Variants in EXOC6B observed in about 807,000 individuals in gnomAD.
EXOC6B encodes exocyst complex component 6B.
A neutral mutation model predicts 113.5 loss-of-function variants in EXOC6B; 54 were observed. That is an observed-to-expected ratio of 0.48 (90% confidence interval 0.38 to 0.60). EXOC6B has a LOEUF of 0.60. Among genes scored for constraint, EXOC6B ranks in the 20% least tolerant of loss-of-function variants. EXOC6B has a pLI of 0.00. For synonymous variants in EXOC6B, 357 were observed against 339.0 expected, an observed-to-expected ratio of 1.05 and a Z score of -0.58; for missense variants, 797 against 977.5, an observed-to-expected ratio of 0.82 and a Z score of 2.46.
chr2:72,672,514 T>C (rs372053155), intron 6 of EXOC6B, among the ~76,000 whole-genome samples: 3 of 128,596 alleles, frequency 2.3e-5, no homozygotes, highest in African/African-American at 6.1e-5. Context: ...GCCACTGCAC[T>C]CCAGCCTGGG....
At chr2:72,725,002 G>A (rs537506438) in intron 5 of EXOC6B, among the ~76,000 whole-genome samples, 17 of 152,216 alleles carry the variant, frequency 1.1e-4, no homozygotes, top group Non-Finnish European at 1.6e-4. Flanking sequence ...GACAAAAAAA[G>A]AGTTTGTAGA....
chr2:72,675,093 C>T (rs1382416810), intron 6 of EXOC6B, among the ~76,000 whole-genome samples: 1 of 152,216 alleles, frequency 6.6e-6, no homozygotes, highest in Non-Finnish European at 1.5e-5. Context: ...ACTAAAATAT[C>T]TTGCTCTACT....
chr2:72,321,972 C>G (rs1687868632), intron 20 of EXOC6B, among the ~76,000 whole-genome samples: 1 of 152,064 alleles, frequency 6.6e-6, no homozygotes, highest in African/African-American at 2.4e-5. Flanking sequence ...TCATCTACTG[C>G]TGGCAGGAAT....
At chr2:72,668,239 G>T (rs1396677515) in intron 6 of EXOC6B, among the ~76,000 whole-genome samples, 1 of 152,134 alleles carries the variant, frequency 6.6e-6, no homozygotes, top group African/African-American at 2.4e-5. Flanking sequence ...AGTCAGAATG[G>T]CTCTTGTTAA....
At chr2:72,204,209 T>C (rs1679682577) in intron 20 of EXOC6B, among the ~76,000 whole-genome samples, 1 of 152,170 alleles carries the variant, frequency 6.6e-6, no homozygotes, top group Non-Finnish European at 1.5e-5. Context: ...CAAAAAAATG[T>C]GTTCTGCCTG....
intron 16 of EXOC6B, among the ~76,000 whole-genome samples, chr2:72,491,519 T>C (rs1280155358): frequency 6.6e-6 from 1 of 152,074 alleles, no homozygotes. Flanking sequence ...GCCTTTCCCT[T>C]TCCTTGTGAA....
At chr2:72,300,397 C>G (rs549174538) in intron 20 of EXOC6B, among the ~76,000 whole-genome samples, 28 of 152,190 alleles carry the variant, frequency 1.8e-4, no homozygotes, top group African/African-American at 6.5e-4. Flanking sequence ...CATCCCAGGT[C>G]GACCTCAGAC....
chr2:72,640,121 G>GA (rs2104334876), intron 6 of EXOC6B, among the ~76,000 whole-genome samples: 1 of 152,168 alleles, frequency 6.6e-6, no homozygotes, highest in South Asian at 2.1e-4. Context: ...AAAAATCATG[G>GA]AAAAAAGAAT....
At chr2:72,751,821 A>G (rs1558973209) in intron 1 of EXOC6B, among the ~76,000 whole-genome samples, 1 of 152,088 alleles carries the variant, frequency 6.6e-6, no homozygotes, top group Non-Finnish European at 1.5e-5. Context: ...TTTTTAAAAT[A>G]GTTGTGAAGT....
intron 16 of EXOC6B, among the ~76,000 whole-genome samples, chr2:72,486,608 C>T (rs1699433961): frequency 6.6e-6 from 1 of 152,072 alleles, no homozygotes; most frequent in South Asian, 2.1e-4. Context: ...GAAAACTGAG[C>T]ATTTGGGAGC....
chr2:72,548,252 AC>A (rs1703014197), intron 8 of EXOC6B, among the ~76,000 whole-genome samples: 1 of 152,086 alleles, frequency 6.6e-6, no homozygotes, highest in African/African-American at 2.4e-5. Flanking sequence ...CATCTATAAG[AC>A]CATGACCGAA....
intron 18 of EXOC6B, among the ~76,000 whole-genome samples, chr2:72,457,993 C>T (rs114635375): frequency 6.6e-6 from 1 of 152,230 alleles, no homozygotes; most frequent in African/African-American, 2.4e-5. Flanking sequence ...TGGACACTGA[C>T]GTATTCCGTT....
intron 5 of EXOC6B, among the ~76,000 whole-genome samples, chr2:72,724,240 G>C (rs113476969): frequency 0.037 from 5,573 of 152,222 alleles, 320 homozygotes; most frequent in African/African-American, 0.12. Context: ...GGGAAGGTAA[G>C]ATGAACACTT....
intron 6 of EXOC6B, among the ~76,000 whole-genome samples, chr2:72,610,286 C>T (rs1026094499): frequency 6.6e-6 from 1 of 152,126 alleles, no homozygotes; most frequent in African/African-American, 2.4e-5. Context: ...TTACTTTGCG[C>T]TATCCATTGA....
chr2:72,802,692 TCTAAGA>T lies in EXOC6B; in HGVS notation c.113+23100_113+23105del, dbSNP rs1256340302. 2.0e-5 allele frequency among the ~76,000 whole-genome samples: 3 copies of T among 152,168 alleles called. No homozygotes were observed. The East Asian group carries it at 5.8e-4, about 29-fold the overall frequency. On this transcript the variant is annotated intron_variant, in intron 1 of 21. Transcript: ENST00000272427. Reference sequence around the variant, plus strand: ...GCCCTTTTCATCTTGGGAAAAAAATTCTAAGATTCCAATAGTTTTCTCAAAGACCTA... The same window carrying T: ...GCCCTTTTCATCTTGGGAAAAAAATTTTCCAATAGTTTTCTCAAAGACCTA...
chr2:72,809,781 C>T (rs189603396), intron 1 of EXOC6B, among the ~76,000 whole-genome samples: 3 of 152,074 alleles, frequency 2.0e-5, no homozygotes, highest in Admixed American at 2.0e-4. Flanking sequence ...CAGATAATTC[C>T]ACAATTATAC....
rs11288459 is a variant in EXOC6B, at chr2:72,312,800, CAAAAAAA to C, written c.2196+22140_2196+22146del. On this transcript the variant is annotated intron_variant, in intron 20 of 21. Coordinates refer to ENST00000272427, the MANE Select transcript of EXOC6B (RefSeq NM_015189.3). ...AACAACAACAAACAAAAACGACAAC[CAAAAAAA>C]AAAAAAACAAAAAACAAAGTGAAAA... 4.4e-5 allele frequency among the ~76,000 whole-genome samples: 5 copies of C among 113,442 alleles called. No homozygotes were observed. In the South Asian group the frequency reaches 9.6e-4, roughly 22 times the overall value. The allele number at this position is 113,442 out of a possible 152,430, so 74.4% of individuals were successfully genotyped here.
chr2:72,369,642 T>C lies in EXOC6B; in HGVS notation c.2122+10087A>G, dbSNP rs941491357. Among the ~76,000 whole-genome samples the C allele has an allele frequency of 7.2e-5, 11 of 152,290 alleles. No individual in the cohort carries two copies. In the East Asian group the frequency reaches 1.2e-3, roughly 16 times the overall value. On this transcript the variant is annotated intron_variant, in intron 19 of 21. Transcript: ENST00000272427. ...CAAGGCTATAGTAACCAAAACAGCA[T>C]GGTACTGGTACCAAAACAGAGATAT... is the stretch of plus-strand genomic sequence containing the variant.
intron 20 of EXOC6B, among the ~76,000 whole-genome samples, chr2:72,287,070 G>A (rs1340757623): frequency 6.6e-6 from 1 of 151,982 alleles, no homozygotes; most frequent in African/African-American, 2.4e-5. Context: ...ATCTCAAGAA[G>A]TTAAAGGATA....
Sources: gnomAD v4.1 joint callset for allele counts (sites outside exome capture counted in the v4.1 genomes callset) on GRCh38, gnomAD v4.1.1 for gene constraint, MANE v1.5 for transcripts, NCBI Gene and HGNC (gene_info 2026-07-23, HGNC 2026-07-21) for gene names.